Variants in VMP1 observed in about 807,000 individuals in gnomAD.
The protein encoded by VMP1 is vacuole membrane protein 1.
A neutral mutation model predicts 56.0 loss-of-function variants in VMP1; 11 were observed. The ratio of observed to expected loss-of-function variants is 0.20; its 90% CI spans 0.12 to 0.32. The LOEUF (loss-of-function observed/expected upper bound fraction) is 0.32. Among genes scored for constraint, VMP1 ranks in the 10% least tolerant of loss-of-function variants. The pLI, the probability that VMP1 is intolerant of heterozygous loss-of-function variation, is 1.00. For missense variants in VMP1, 296 were observed against 490.3 expected, an observed-to-expected ratio of 0.60 and a Z score of 3.74; for synonymous variants, 149 against 165.0, an observed-to-expected ratio of 0.90 and a Z score of 0.74.
intron 1 of VMP1, among the ~76,000 whole-genome samples, chr17:59,719,054 C>G (rs2034286791): frequency 1.3e-5 from 2 of 152,090 alleles, no homozygotes; most frequent in South Asian, 4.1e-4. Flanking sequence ...TACCCCTGCA[C>G]AAGTGGAAAA....
At chr17:59,810,670 G>A (rs2038026185) in intron 8 of VMP1, among the ~76,000 whole-genome samples, 1 of 152,092 alleles carries the variant, frequency 6.6e-6, no homozygotes, top group African/African-American at 2.4e-5. Context: ...ACAAAAATGA[G>A]TCATTGAATC....
chr17:59,738,742 AACTT>A (rs1232270538), intron 4 of VMP1, 91 bp from the exon 5 acceptor site: 1 of 925,168 alleles, frequency 1.1e-6, no homozygotes, highest in Non-Finnish European at 1.7e-6. Flanking sequence ...TCCTATTTGA[AACTT>A]ACTTTAGTTG....
Position 59,750,425 on chromosome 17 carries a change from C to T in VMP1, c.414+11478C>T, listed in dbSNP as rs149503446. Among the ~76,000 whole-genome samples the T allele has an allele frequency of 5.3e-5, 8 of 151,938 alleles. No individual in the cohort carries two copies. The East Asian group carries it at 1.5e-3, about 29-fold the overall frequency. On this transcript the variant is annotated intron_variant, in intron 5 of 11. Transcript: ENST00000262291. ...CAGGTGATTCTCCTGCCTCACACTC[C>T]CAAGTAGCTGAGATTATAGGTGTCC...
chr17:59,763,625 A>G (rs1443688455), intron 5 of VMP1, among the ~76,000 whole-genome samples: 3 of 152,148 alleles, frequency 2.0e-5, no homozygotes, highest in Non-Finnish European at 2.9e-5. Context: ...TTAACATCAA[A>G]CAAAATTTTA....
chr17:59,789,528 CAA>C (rs556002609), intron 7 of VMP1, among the ~76,000 whole-genome samples: 2 of 136,070 alleles, frequency 1.5e-5, no homozygotes, highest in Non-Finnish European at 1.6e-5. Flanking sequence ...AAGCAAGTCT[CAA>C]AAAAAAAAAG....
intron 7 of VMP1, among the ~76,000 whole-genome samples, chr17:59,785,368 C>A (rs1486402026): frequency 1.3e-5 from 2 of 152,112 alleles, no homozygotes; most frequent in Non-Finnish European, 2.9e-5. Context: ...AGTCTTAAAA[C>A]TTCACCTTTT....
chr17:59,715,894 A>T (rs752740615), intron 1 of VMP1, among the ~76,000 whole-genome samples: 4 of 152,110 alleles, frequency 2.6e-5, no homozygotes, highest in Non-Finnish European at 5.9e-5. Context: ...TTGTTCTAGT[A>T]GTTCTGAGCA....
rs1386914903 is a variant in VMP1 at position 59,840,899 on chromosome 17, G to C, written c.*988G>C. 1.3e-5 allele frequency: 2 copies of C among 155,950 alleles called. No homozygotes were observed. The highest frequency in any genetic ancestry group is 4.8e-5 in the African/African-American group (2 of 41,462). The allele number at this position is 155,950 out of a possible 1,614,324, so 9.7% of individuals were successfully genotyped here. On this transcript the variant is annotated 3_prime_UTR_variant, in exon 12 of 12. Coordinates refer to ENST00000262291, the MANE Select transcript of VMP1 (RefSeq NM_030938.5). ...CATTTCTAAAAAAAAACCACACTCT[G>C]TCGTATCTGTGTTAATGTTTTCTAG...
At chr17:59,798,635 C>T (rs895002579) in intron 7 of VMP1, among the ~76,000 whole-genome samples, 3 of 152,178 alleles carry the variant, frequency 2.0e-5, no homozygotes, top group East Asian at 1.9e-4. Flanking sequence ...GCCTGTAATC[C>T]CAGCACTCTG....
intron 7 of VMP1, among the ~76,000 whole-genome samples, chr17:59,803,703 A>G (rs1353013469): frequency 6.6e-6 from 1 of 152,186 alleles, no homozygotes; most frequent in Non-Finnish European, 1.5e-5. Context: ...TGAGGAAGTA[A>G]TCAAATTGGT....
At chr17:59,810,230 G>A (rs2038010187) in intron 8 of VMP1, among the ~76,000 whole-genome samples, 2 of 151,760 alleles carry the variant, frequency 1.3e-5, no homozygotes, top group East Asian at 1.9e-4. Flanking sequence ...CTTGGCTCAC[G>A]GCAACCTCCA....
chr17:59,715,987 T>A (rs946452240), intron 1 of VMP1, among the ~76,000 whole-genome samples: 4 of 152,218 alleles, frequency 2.6e-5, no homozygotes, highest in African/African-American at 7.2e-5. Context: ...TTTTTTATTT[T>A]TTTTTTGTAC....
At chr17:59,822,326 C>CTTTTTTTT (rs774358954) in intron 10 of VMP1, among the ~76,000 whole-genome samples, 1 of 125,354 alleles carries the variant, frequency 8.0e-6, no homozygotes, top group Non-Finnish European at 1.6e-5. Context: ...GTAGGAAATA[C>CTTTTTTTT]TTTTTTTTTT....
chr17:59,740,831 A>G (rs994533033), intron 5 of VMP1, among the ~76,000 whole-genome samples: 2 of 152,318 alleles, frequency 1.3e-5, no homozygotes, highest in African/African-American at 4.8e-5. Context: ...GGAAAACCAG[A>G]TTAAGAAACT....
chr17:59,767,223 A>C (rs2036265102), intron 6 of VMP1, among the ~76,000 whole-genome samples: 1 of 152,130 alleles, frequency 6.6e-6, no homozygotes, highest in African/African-American at 2.4e-5. Flanking sequence ...GATCACTTAC[A>C]AATCTTAACT....
intron 5 of VMP1, among the ~76,000 whole-genome samples, chr17:59,746,494 G>T (rs1212920906): frequency 6.6e-6 from 1 of 152,132 alleles, no homozygotes; most frequent in Non-Finnish European, 1.5e-5. Flanking sequence ...ATAACTGAAA[G>T]GTTATAACTT....
chr17:59,718,723 G>A (rs1480792364), intron 1 of VMP1, among the ~76,000 whole-genome samples: 1 of 151,460 alleles, frequency 6.6e-6, no homozygotes, highest in Non-Finnish European at 1.5e-5. Context: ...TAAGAGATGG[G>A]GTCTCACTGT....
intron 7 of VMP1, among the ~76,000 whole-genome samples, chr17:59,775,251 A>C (rs1368795131): frequency 1.4e-5 from 2 of 145,268 alleles, no homozygotes; most frequent in Non-Finnish European, 3.1e-5. Context: ...GCCTACAAAA[A>C]ATTTTTTAAA....
intron 10 of VMP1, chr17:59,837,997 CTT>C (rs1435815590): frequency 2.1e-5 from 5 of 236,100 alleles, no homozygotes; most frequent in Admixed American, 1.1e-4. Flanking sequence ...AGGACTAACT[CTT>C]TTGCTGGAAG....
Sources: allele counts gnomAD v4.1 joint callset (sites outside exome capture counted in the v4.1 genomes callset), GRCh38; gene constraint gnomAD v4.1.1; transcripts MANE v1.5; gene names NCBI Gene and HGNC (gene_info 2026-07-23, HGNC 2026-07-21).